NEDD4L: variants seen among roughly 807,000 people sequenced by gnomAD.
The protein encoded by NEDD4L is E3 ubiquitin-protein ligase NEDD4-like.
NEDD4L carries 54 observed loss-of-function variants against 148.9 expected under a neutral mutation model. The ratio of observed to expected loss-of-function variants is 0.36; its 90% CI spans 0.29 to 0.45. The LOEUF (loss-of-function observed/expected upper bound fraction) is 0.45, where lower values mean the gene tolerates loss of function less well. Ranked by LOEUF, NEDD4L falls within the 20% of genes least tolerant of loss-of-function variation. The probability of loss-of-function intolerance (pLI) is 1.00; values close to 1 mark genes in which losing one functional copy is unlikely to be tolerated. For missense variants in NEDD4L, 856 were observed against 1,233.8 expected, an observed-to-expected ratio of 0.69 and a Z score of 4.59; for synonymous variants, 433 against 440.7, an observed-to-expected ratio of 0.98 and a Z score of 0.22.
At chr18:58,392,223 C>T (rs1363641312) in intron 30 of NEDD4L, among the ~76,000 whole-genome samples, 5 of 152,250 alleles carry the variant, frequency 3.3e-5, no homozygotes, top group African/African-American at 1.2e-4. Context: ...CTCTTGCTAA[C>T]TCAAACTCCC....
At position 58,352,880 on chromosome 18, in the gene NEDD4L, G is replaced by A. The variant is rs182887952; in HGVS notation, c.1708+1835G>A. Among the ~76,000 whole-genome samples, 18 of 152,302 alleles carry A rather than the reference G, an allele frequency of 1.2e-4. No homozygotes were observed. The East Asian group carries it at 3.1e-3, about 26-fold the overall frequency. ...AAAAAGAATGTTGTGAATGTGTTTC[G>A]TATACCGCAAGGAGCCAAAAACAGA... On this transcript the variant is annotated intron_variant, in intron 18 of 30. Transcript: ENST00000400345.
chr18:58,195,542 C>T, intron 2 of NEDD4L: 2 of 1,340,874 alleles, frequency 1.5e-6, no homozygotes, highest in Non-Finnish European at 2.0e-6. Flanking sequence ...GGCTGCAGAG[C>T]CCTGTCCACG....
intron 2 of NEDD4L, among the ~76,000 whole-genome samples, chr18:58,196,796 G>A (rs911487791): frequency 6.9e-6 from 1 of 145,464 alleles, no homozygotes; most frequent in African/African-American, 2.5e-5. Context: ...AATTGAATTA[G>A]GTTAATGCTG....
In NEDD4L at chr18:58,061,353, G is replaced by A. The variant is rs147550367; in HGVS notation, c.48+16645G>A. Among the ~76,000 whole-genome samples, 307 of 152,334 alleles carry A rather than the reference G, an allele frequency of 2.0e-3. 1 individual carries two copies. The highest frequency in any genetic ancestry group is 6.9e-3 in the African/African-American group (288 of 41,588). ...TGGGTCACTTGGCCAAAGCTCTGCA[G>A]CTAGTAAGTGTTAGAGCCAGAATTT... On this transcript the variant is annotated intron_variant, in intron 1 of 30. Transcript: ENST00000400345.
At chr18:58,248,964 T>C (rs749712669) in intron 4 of NEDD4L, 27 bp downstream of exon 4, 3 of 1,227,620 alleles carry the variant, frequency 2.4e-6, no homozygotes, top group African/African-American at 1.5e-5. Flanking sequence ...TTGGTAATAA[T>C]TGTTATTGAT....
At chr18:58,329,339 ATGGGAATAACATTATTTTTATTT>A (rs1304365413) in intron 10 of NEDD4L, among the ~76,000 whole-genome samples, 2 of 152,184 alleles carry the variant, frequency 1.3e-5, no homozygotes, top group Non-Finnish European at 2.9e-5. Context: ...TATTATAGAA[ATGGGAATAACATTATTTTTATTT>A]TTATTTTTTT....
rs528166350 is a variant in NEDD4L, at chr18:58,357,482, G to C, written c.1767+230G>C. On this transcript the variant is annotated intron_variant, in intron 19 of 30. Transcript: ENST00000400345. Reference sequence around the variant, plus strand: ...AAAGGAAAACAGCTTGATAACGACAGCAGAATTAAACATTTTTCTTCTCCT... The same window carrying C: ...AAAGGAAAACAGCTTGATAACGACACCAGAATTAAACATTTTTCTTCTCCT... 49 of 678,466 alleles carry C rather than the reference G, an allele frequency of 7.2e-5. No individual in the cohort carries two copies. In the East Asian group the frequency reaches 1.0e-3, roughly 14 times the overall value. 42.0% of individuals were successfully genotyped at this position (678,466 alleles called of 1,614,324 possible). A position where few individuals can be genotyped will look rare whatever the true frequency, so the allele number is the denominator to read the frequency against.
At position 58,230,442 on chromosome 18, in the gene NEDD4L, T is replaced by C. The variant is rs1189831751; in HGVS notation, c.123-14985T>C. Among the ~76,000 whole-genome samples the C allele has an allele frequency of 2.0e-5, 3 of 151,628 alleles. No homozygotes were observed. The East Asian group carries it at 5.8e-4, about 29-fold the overall frequency. On this transcript the variant is annotated intron_variant, in intron 2 of 30. Coordinates refer to ENST00000400345, the MANE Select transcript of NEDD4L (RefSeq NM_001144967.3). ...CTTTTTTTTTTTTTAATCATTTTGT[T>C]GTTTCTTTGAGTGTATGTGAGCTTA...
At chr18:58,349,477 C>A in intron 16 of NEDD4L, 60 bp from the exon 17 acceptor site, 2 of 1,394,352 alleles carry the variant, frequency 1.4e-6, no homozygotes, top group Non-Finnish European at 2.0e-6. Context: ...GAAAAGCACC[C>A]AGTAACTGCA....
chr18:58,268,001 A>G (rs2050467004), intron 5 of NEDD4L, among the ~76,000 whole-genome samples: 1 of 151,962 alleles, frequency 6.6e-6, no homozygotes, highest in Non-Finnish European at 1.5e-5. Flanking sequence ...GCCAAGGGAA[A>G]ATTGCTCTGC....
At chr18:58,388,467 CT>C (rs1457544534) in intron 27 of NEDD4L, 1 of 152,332 alleles carries the variant, frequency 6.6e-6, no homozygotes, top group Non-Finnish European at 1.5e-5. Flanking sequence ...CCATTTCATT[CT>C]GGTACCTTTG....
intron 5 of NEDD4L, among the ~76,000 whole-genome samples, chr18:58,285,328 T>G (rs945241675): frequency 7.3e-5 from 11 of 150,662 alleles, no homozygotes; most frequent in Non-Finnish European, 1.2e-4. Flanking sequence ...TGTGTGTGGG[T>G]GTGTGTGTGT....
chr18:58,350,855 T>C, intron 17 of NEDD4L, 136 bp from the exon 18 acceptor site: 1 of 619,278 alleles, frequency 1.6e-6, no homozygotes, highest in Non-Finnish European at 2.8e-6. Context: ...TCATATTTAG[T>C]TCACGCTCAA....
At chr18:58,090,512 T>C (rs1010917959) in intron 1 of NEDD4L, among the ~76,000 whole-genome samples, 1 of 152,226 alleles carries the variant, frequency 6.6e-6, no homozygotes, top group Non-Finnish European at 1.5e-5. Flanking sequence ...GGAGTTTCAC[T>C]CTGTTGCCCA....
chr18:58,350,707 C>G (rs981148996), intron 17 of NEDD4L, among the ~76,000 whole-genome samples: 7 of 152,326 alleles, frequency 4.6e-5, no homozygotes, highest in African/African-American at 1.7e-4. Flanking sequence ...CTCCACTGTT[C>G]CATGGAATGC....
chr18:58,166,254 C>A (rs2036831621), intron 2 of NEDD4L, among the ~76,000 whole-genome samples: 1 of 152,178 alleles, frequency 6.6e-6, no homozygotes, highest in Non-Finnish European at 1.5e-5. Context: ...ATATTCTGGA[C>A]ATGTATAATC....
intron 5 of NEDD4L, among the ~76,000 whole-genome samples, chr18:58,259,730 C>G (rs539369279): frequency 6.6e-6 from 1 of 152,118 alleles, no homozygotes; most frequent in East Asian, 1.9e-4. Flanking sequence ...AGGGCCCACC[C>G]GGACAAAAGC....
At chr18:58,163,807 C>T (rs567830210) in intron 1 of NEDD4L, among the ~76,000 whole-genome samples, 24 of 152,184 alleles carry the variant, frequency 1.6e-4, no homozygotes, top group African/African-American at 5.8e-4. Flanking sequence ...GATGTGTGTC[C>T]ATTGCATGAA....
chr18:58,195,621 C>T lies in NEDD4L; in HGVS notation c.122+29760C>T, dbSNP rs780782955. 130 of 1,348,306 alleles carry T rather than the reference C, an allele frequency of 9.6e-5. 1 individual carries two copies. The highest frequency in any genetic ancestry group is 1.2e-4 in the Non-Finnish European group (123 of 1,020,158). The allele number at this position is 1,348,306 out of a possible 1,614,324, so 83.5% of individuals were successfully genotyped here. ...TACCTGGCCGGGAGCTGGCGGAGACCAGGATTTCTCCTCGCCGCCGTTGCT... is the reference window on the plus strand; with the variant it reads ...TACCTGGCCGGGAGCTGGCGGAGACTAGGATTTCTCCTCGCCGCCGTTGCT... On this transcript the variant is annotated intron_variant, in intron 2 of 30. Transcript: ENST00000400345.
Sources: gnomAD v4.1 joint callset for allele counts (sites outside exome capture counted in the v4.1 genomes callset) on GRCh38, gnomAD v4.1.1 for gene constraint, MANE v1.5 for transcripts, NCBI Gene and HGNC (gene_info 2026-07-23, HGNC 2026-07-21) for gene names.